Variants in GRID2 observed in about 807,000 individuals in gnomAD.
GRID2 encodes the protein glutamate ionotropic receptor delta type subunit 2, also known as glutamate receptor ionotropic, delta-2.
A neutral mutation model predicts 114.8 loss-of-function variants in GRID2; 33 were observed. The ratio of observed to expected loss-of-function variants is 0.29; its 90% CI spans 0.22 to 0.38. The LOEUF (loss-of-function observed/expected upper bound fraction) is 0.38. Among genes scored for constraint, GRID2 ranks in the 10% least tolerant of loss-of-function variants. GRID2 has a pLI of 1.00. For missense variants in GRID2, 1,184 were observed against 1,257.7 expected (o/e 0.94, Z 0.89); for synonymous variants, 505 against 449.9 (o/e 1.12, Z -1.55).
chr4:93,515,824 T>C (rs568626123), intron 13 of GRID2, among the ~76,000 whole-genome samples: 1 of 152,340 alleles, frequency 6.6e-6, no homozygotes, highest in Non-Finnish European at 1.5e-5. Context: ...GTTGTGATTA[T>C]GTGAAGCTAT....
At chr4:93,281,070 A>G (rs2149585543) in intron 8 of GRID2, among the ~76,000 whole-genome samples, 1 of 152,106 alleles carries the variant, frequency 6.6e-6, no homozygotes, top group South Asian at 2.1e-4. Context: ...CATATATGAT[A>G]CATTATACTA....
intron 14 of GRID2, among the ~76,000 whole-genome samples, chr4:93,723,907 C>A (rs1729611051): frequency 6.6e-6 from 1 of 152,158 alleles, no homozygotes; most frequent in African/African-American, 2.4e-5. Flanking sequence ...ACATTCTTCA[C>A]AATATCTGAT....
rs190816108 is a variant in GRID2 at position 93,422,812 on chromosome 4, G to A, written c.1389G>A (p.Lys463=). ...FVMVSENVLG[K]PKKYQGFSID... ...TGGTCTCTGAAAATGTCTTGGGTAA[G>A]CCGAAGAAATACCAGGGCTTCTCCA... Residue 463 remains lysine, a synonymous_variant, in exon 10 of 16, where the codon AAG becomes AAA. Transcript: ENST00000282020. The A allele has an allele frequency of 3.1e-6, 5 of 1,613,760 alleles. No individual in the cohort carries two copies. In the East Asian group the frequency reaches 1.1e-4, roughly 36 times the overall value.
chr4:92,342,622 C>T lies in GRID2; in HGVS notation c.88+37878C>T, dbSNP rs536114961. 6.1e-4 allele frequency among the ~76,000 whole-genome samples: 93 copies of T among 152,302 alleles called. 1 individual carries two copies. The highest frequency in any genetic ancestry group is 6.8e-3 in the Middle Eastern group (2 of 294). Reference sequence around the variant, plus strand: ...GAAATTCATTAAACAAAATCTGATACATCAACTAAGACTCAATTCTGAGTG... The same window carrying T: ...GAAATTCATTAAACAAAATCTGATATATCAACTAAGACTCAATTCTGAGTG... On this transcript the variant is annotated intron_variant, in intron 1 of 15. Transcript: ENST00000282020.
chr4:93,091,263 G>A (rs925737416), intron 3 of GRID2, among the ~76,000 whole-genome samples: 2 of 152,096 alleles, frequency 1.3e-5, no homozygotes, highest in African/African-American at 4.8e-5. Flanking sequence ...GGCAGAGAAG[G>A]TATTTAGAGG....
chr4:93,611,163 C>T, intron 13 of GRID2, among the ~76,000 whole-genome samples: 2 of 97,580 alleles, frequency 2.0e-5, no homozygotes, highest in African/African-American at 4.8e-5. Context: ...TGGTGATATC[C>T]CCTTTATCAT....
intron 10 of GRID2, among the ~76,000 whole-genome samples, chr4:93,447,895 T>C (rs1418807341): frequency 1.3e-5 from 2 of 151,944 alleles, no homozygotes; most frequent in East Asian, 3.9e-4. Flanking sequence ...TTGAATTCTT[T>C]TACAAAATTC....
intron 1 of GRID2, among the ~76,000 whole-genome samples, chr4:92,457,173 C>T (rs913118810): frequency 6.6e-6 from 1 of 152,038 alleles, no homozygotes; most frequent in South Asian, 2.1e-4. Context: ...TATCCTCTAT[C>T]ACCTCAGTTT....
chr4:93,766,744 C>T (rs1733709442), intron 14 of GRID2, among the ~76,000 whole-genome samples: 1 of 152,196 alleles, frequency 6.6e-6, no homozygotes, highest in Non-Finnish European at 1.5e-5. Context: ...GGTGCTCTGA[C>T]TACCTAGAGC....
chr4:92,450,539 T>C (rs1560639258), intron 1 of GRID2, among the ~76,000 whole-genome samples: 2 of 152,158 alleles, frequency 1.3e-5, no homozygotes, highest in South Asian at 4.1e-4. Flanking sequence ...TGTTCTTTGT[T>C]GTGCTCCATT....
intron 1 of GRID2, among the ~76,000 whole-genome samples, chr4:92,572,400 A>C (rs1341226447): frequency 1.4e-5 from 2 of 146,584 alleles, no homozygotes; most frequent in Non-Finnish European, 3.0e-5. Context: ...TTAATAGCTT[A>C]CCAATCAAAA....
chr4:92,758,305 G>C (rs1307910003), intron 2 of GRID2, among the ~76,000 whole-genome samples: 1 of 152,058 alleles, frequency 6.6e-6, no homozygotes, highest in African/African-American at 2.4e-5. Flanking sequence ...TAATGAATTA[G>C]TGAGATGCAA....
chr4:92,328,978 C>T (rs1173041558), intron 1 of GRID2, among the ~76,000 whole-genome samples: 1 of 151,976 alleles, frequency 6.6e-6, no homozygotes, highest in East Asian at 1.9e-4. Context: ...TATTATTTCA[C>T]ATTATTTTTA....
chr4:92,506,127 G>T (rs949380850), intron 1 of GRID2, among the ~76,000 whole-genome samples: 1 of 151,968 alleles, frequency 6.6e-6, no homozygotes, highest in South Asian at 2.1e-4. Context: ...GCAATTTAGT[G>T]TAGTAGTAAC....
intron 2 of GRID2, among the ~76,000 whole-genome samples, chr4:92,632,734 AAGGGAAGAAGTGAAGGAAGGG>A (rs1730869780): frequency 6.8e-6 from 1 of 147,612 alleles, no homozygotes; most frequent in South Asian, 2.1e-4. Flanking sequence ...AAAGGGAAGG[AAGGGAAGAAGTGAAGGAAGGG>A]AAGGAAGAAG....
At chr4:93,226,890 A>T (rs1399905787) in intron 7 of GRID2, among the ~76,000 whole-genome samples, 1 of 152,158 alleles carries the variant, frequency 6.6e-6, no homozygotes, top group Non-Finnish European at 1.5e-5. Context: ...CATATTGATG[A>T]TACCACAGCT....
chr4:92,923,894 A>T (rs1196161128), intron 2 of GRID2, among the ~76,000 whole-genome samples: 1 of 152,192 alleles, frequency 6.6e-6, no homozygotes, highest in East Asian at 1.9e-4. Context: ...CAATCTGATT[A>T]CTGGGTATAT....
chr4:92,526,296 A>G (rs1227786982), intron 1 of GRID2, among the ~76,000 whole-genome samples: 1 of 152,064 alleles, frequency 6.6e-6, no homozygotes, highest in Non-Finnish European at 1.5e-5. Flanking sequence ...ATTATCCTTT[A>G]TTTTTCAGGA....
intron 2 of GRID2, among the ~76,000 whole-genome samples, chr4:92,844,532 C>T (rs1045988417): frequency 6.6e-6 from 1 of 151,804 alleles, no homozygotes; most frequent in Non-Finnish European, 1.5e-5. Context: ...GAGTGAGACT[C>T]TGTCTCTAAT....
Sources: gnomAD v4.1 joint callset for allele counts (sites outside exome capture counted in the v4.1 genomes callset) on GRCh38, gnomAD v4.1.1 for gene constraint, MANE v1.5 for transcripts, NCBI Gene and HGNC (gene_info 2026-07-23, HGNC 2026-07-21) for gene names.